SLC66A3: variants seen among roughly 807,000 people sequenced by gnomAD.
SLC66A3 encodes the protein solute carrier family 66 member 3, also known as PQ loop repeat containing 3.
A neutral mutation model predicts 25.5 loss-of-function variants in SLC66A3; 23 were observed. The ratio of observed to expected loss-of-function variants is 0.90; its 90% CI spans 0.65 to 1.28. The LOEUF (loss-of-function observed/expected upper bound fraction) is 1.28, where lower values mean the gene tolerates loss of function less well. SLC66A3 is among the 50% of genes most tolerant of loss of function. The pLI, the probability that SLC66A3 is intolerant of heterozygous loss-of-function variation, is 0.00. For missense variants in SLC66A3, 246 were observed against 262.1 expected (o/e 0.94, Z 0.42); for synonymous variants, 108 against 112.6 (o/e 0.96, Z 0.26).
At chr2:11,155,711 G>C in intron 1 of SLC66A3, 22 bp downstream of exon 1, 2 of 1,368,764 alleles carry the variant, frequency 1.5e-6, no homozygotes. Context: ...GGCGGCCGGG[G>C]CTGCCTCCTG....
At chr2:11,171,232 T>C (rs914091853) in intron 4 of SLC66A3, among the ~76,000 whole-genome samples, 3 of 152,028 alleles carry the variant, frequency 2.0e-5, no homozygotes, top group Non-Finnish European at 4.4e-5. Context: ...ACAGGAGAAT[T>C]GCTTGAACCT....
intron 4 of SLC66A3, among the ~76,000 whole-genome samples, chr2:11,170,459 G>A (rs1411382144): frequency 6.6e-6 from 1 of 152,188 alleles, no homozygotes; most frequent in Non-Finnish European, 1.5e-5. Context: ...GCAGAGGCCT[G>A]AGCGCACCAC....
chr2:11,165,202 G>A (rs1052546376), intron 4 of SLC66A3, among the ~76,000 whole-genome samples: 1 of 151,730 alleles, frequency 6.6e-6, no homozygotes, highest in African/African-American at 2.4e-5. Context: ...CTGCCGGGCG[G>A]AGACGCTCCT....
chr2:11,155,796 G>T, intron 1 of SLC66A3, 107 bp downstream of exon 1: 1 of 1,111,012 alleles, frequency 9.0e-7, no homozygotes, highest in Non-Finnish European at 1.2e-6. Flanking sequence ...ATCCCCGCGC[G>T]CCGGCGTCGC....
chr2:11,177,806 A>G lies in SLC66A3; in HGVS notation c.587A>G (p.Lys196Arg), dbSNP rs1662816871. The G allele has an allele frequency of 4.4e-6, 7 of 1,607,872 alleles. No individual in the cohort carries two copies. The highest frequency in any genetic ancestry group is 6.0e-6 in the Non-Finnish European group (7 of 1,174,884). Residue 196 changes from lysine to arginine, a missense_variant, in exon 7 of 7, where the codon AAG becomes AGG. Physicochemically the swap from Lys to Arg is conservative, Grantham distance 26. Around this residue, in one of 3 missense-constraint regions of SLC66A3, gnomAD observed 93 missense variants for 102.6 expected, o/e 0.91. Transcript: ENST00000295083. ...WVTVTVLRYRKTAIKAE is the reference protein window; with the variant it reads ...WVTVTVLRYRRTAIKAE ...ACAGTGACAGTACTTCGCTACCGGA[A>G]GACCGCTATAAAGGCTGAATGATGG...
intron 3 of SLC66A3, among the ~76,000 whole-genome samples, chr2:11,161,382 T>C (rs1306689793): frequency 2.6e-5 from 4 of 151,584 alleles, no homozygotes; most frequent in Non-Finnish European, 4.4e-5. Flanking sequence ...CGGTCAAGCT[T>C]GATTGCCTTG....
chr2:11,159,398 C>T (rs1183738720), intron 1 of SLC66A3, among the ~76,000 whole-genome samples: 1 of 152,184 alleles, frequency 6.6e-6, no homozygotes, highest in Non-Finnish European at 1.5e-5. Flanking sequence ...CCCGGAGGGC[C>T]TGCAGGCAGC....
intron 4 of SLC66A3, among the ~76,000 whole-genome samples, chr2:11,164,466 C>A (rs1340055385): frequency 6.7e-6 from 1 of 150,020 alleles, no homozygotes; most frequent in Non-Finnish European, 1.5e-5. Flanking sequence ...CTCAGCCTCT[C>A]GAGTAGCTGG....
At chr2:11,165,483 A>C (rs1662299043) in intron 4 of SLC66A3, among the ~76,000 whole-genome samples, 1 of 144,848 alleles carries the variant, frequency 6.9e-6, no homozygotes. Flanking sequence ...GGCGCTCCCC[A>C]CATCTCAGAC....
chr2:11,158,137 A>T (rs576577531), intron 1 of SLC66A3, among the ~76,000 whole-genome samples: 12 of 152,308 alleles, frequency 7.9e-5, no homozygotes, highest in Admixed American at 2.6e-4. Context: ...CATGGAGCAG[A>T]TGGGAATGGA....
intron 4 of SLC66A3, among the ~76,000 whole-genome samples, chr2:11,166,538 G>A (rs55906286): frequency 6.6e-6 from 1 of 152,284 alleles, no homozygotes; most frequent in Non-Finnish European, 1.5e-5. Flanking sequence ...ACTTGGGAGA[G>A]CAAATAAGTA....
At chr2:11,163,742 C>G (rs1173396701) in intron 3 of SLC66A3, among the ~76,000 whole-genome samples, 1 of 152,218 alleles carries the variant, frequency 6.6e-6, no homozygotes, top group Non-Finnish European at 1.5e-5. Flanking sequence ...TTGCCCACCC[C>G]AGCTGTATCA....
intron 1 of SLC66A3, among the ~76,000 whole-genome samples, chr2:11,156,782 A>AG (rs930222675): frequency 1.4e-4 from 18 of 130,128 alleles, no homozygotes; most frequent in East Asian, 9.2e-4. Flanking sequence ...CGGGGTGGGG[A>AG]GGGGGGGGTC....
intron 4 of SLC66A3, among the ~76,000 whole-genome samples, chr2:11,166,717 C>T (rs1208428927): frequency 6.6e-6 from 1 of 152,122 alleles, no homozygotes; most frequent in Non-Finnish European, 1.5e-5. Context: ...AGGCGAAACC[C>T]TGTTCTCTAC....
intron 4 of SLC66A3, among the ~76,000 whole-genome samples, chr2:11,167,052 C>G (rs1334809875): frequency 8.5e-5 from 13 of 152,212 alleles, no homozygotes; most frequent in Non-Finnish European, 1.5e-5. Context: ...GGTCTTACTA[C>G]TGATGAGTTG....
intron 6 of SLC66A3, among the ~76,000 whole-genome samples, chr2:11,176,597 C>T (rs1202786215): frequency 3.7e-5 from 4 of 108,040 alleles, no homozygotes; most frequent in Admixed American, 1.1e-4. Context: ...GGCGGGATCT[C>T]GGCTCACTGC....
intron 4 of SLC66A3, among the ~76,000 whole-genome samples, chr2:11,170,530 GTT>G (rs1016459460): frequency 2.8e-4 from 14 of 49,740 alleles, no homozygotes; most frequent in African/African-American, 7.2e-4. Context: ...TGCTGCTGGA[GTT>G]TGTTTGTCAG....
chr2:11,171,248 G>A (rs1445356902), intron 4 of SLC66A3, among the ~76,000 whole-genome samples: 2 of 152,132 alleles, frequency 1.3e-5, no homozygotes, highest in African/African-American at 4.8e-5. Flanking sequence ...AACCTGGGAG[G>A]TGGAGGTTGC....
At position 11,158,560 on chromosome 2, in the gene SLC66A3, T is replaced by G. The variant is rs189150529; in HGVS notation, c.144-1906T>G. On this transcript the variant is annotated intron_variant, in intron 1 of 6. Transcript: ENST00000295083. ...GCCTGTAGTCCCAGCTACTTGGGAG[T>G]CTGAGGCAGGAGAATGGCGTGAACC... is the stretch of plus-strand genomic sequence containing the variant. Among the ~76,000 whole-genome samples the G allele has an allele frequency of 7.0e-3, 1,067 of 152,102 alleles. 14 individuals are homozygous for G. The highest frequency in any genetic ancestry group is 0.024 in the African/African-American group (1,008 of 41,488).
Sources: allele counts gnomAD v4.1 joint callset (sites outside exome capture counted in the v4.1 genomes callset), GRCh38; gene constraint gnomAD v4.1.1; regional missense constraint gnomAD v4.1.1; transcripts MANE v1.5; gene names NCBI Gene and HGNC (gene_info 2026-07-23, HGNC 2026-07-21).